COL4A3: variants seen among roughly 807,000 people sequenced by gnomAD.
The protein encoded by COL4A3 is collagen type IV alpha 3 chain.
In COL4A3, 135 loss-of-function variants were observed where a neutral mutation model predicts 217.4. That is an observed-to-expected ratio of 0.62 (90% CI 0.54 to 0.72). The LOEUF (loss-of-function observed/expected upper bound fraction) is 0.72, where lower values mean the gene tolerates loss of function less well. COL4A3 is among the 30% of genes least tolerant of loss of function. The probability of loss-of-function intolerance (pLI) is 0.00; values close to 1 mark genes in which losing one functional copy is unlikely to be tolerated. For synonymous variants in COL4A3, 690 were observed against 736.3 expected, an observed-to-expected ratio of 0.94 and a Z score of 1.02; for missense variants, 1,868 against 2,119.9, an observed-to-expected ratio of 0.88 and a Z score of 2.33.
Position 227,290,866 on chromosome 2 carries a change from C to G in COL4A3, c.3190C>G (p.Pro1064Ala). The G allele has an allele frequency of 3.1e-6, 5 of 1,612,952 alleles. No individual in the cohort carries two copies. The highest frequency in any genetic ancestry group is 4.2e-6 in the Non-Finnish European group (5 of 1,179,768). Reference sequence around the variant, plus strand: ...GCCAGGTTATTCAGAAGGTACAAGGCCAGGACCACCGGGACCAACGGTATA... The same window carrying G: ...GCCAGGTTATTCAGAAGGTACAAGGGCAGGACCACCGGGACCAACGGTATA... ...GEPGYSEGTR[P>A]GPPGPTGDPG... is the part of the protein sequence containing the mutation. Residue 1064 changes from proline (P) to alanine (A), a missense_variant, in exon 37 of 52, where the codon CCA becomes GCA. By Grantham distance (27) the Pro-to-Ala change is conservative (BLOSUM62 -1). Transcript: ENST00000396578.
intron 1 of COL4A3, among the ~76,000 whole-genome samples, chr2:227,183,763 C>G (rs1327134835): frequency 6.6e-6 from 1 of 152,210 alleles, no homozygotes; most frequent in African/African-American, 2.4e-5. Flanking sequence ...GAACTACTCT[C>G]TCCTCCTTGC....
chr2:227,238,176 T>TAAAAAAAAAAAAA (rs35499269), intron 2 of COL4A3, 152 bp downstream of exon 2: 1 of 392,944 alleles, frequency 2.5e-6, no homozygotes. Context: ...AACATTAACC[T>TAAAAAAAAAAAAA]AAAAAAAAAA....
chr2:227,174,723 T>C (rs1274620875), intron 1 of COL4A3, among the ~76,000 whole-genome samples: 1 of 152,154 alleles, frequency 6.6e-6, no homozygotes, highest in Non-Finnish European at 1.5e-5. Context: ...GTCAGGCTGG[T>C]CTTGAACTCC....
chr2:227,205,948 A>C (rs1228338313), intron 1 of COL4A3, among the ~76,000 whole-genome samples: 1 of 152,204 alleles, frequency 6.6e-6, no homozygotes, highest in African/African-American at 2.4e-5. Flanking sequence ...GCTTTAGGGC[A>C]ATGGTTCTCA....
Position 227,250,991 on chromosome 2 carries a change from T to G in COL4A3, c.547-149T>G. ...TGTTACACATGGCAACACTTTTTGATGTTTGTTATCATTAGCTGCAGCCAC... is the reference window on the plus strand; with the variant it reads ...TGTTACACATGGCAACACTTTTTGAGGTTTGTTATCATTAGCTGCAGCCAC... On this transcript the variant is annotated intron_variant, in intron 9 of 51. Transcript: ENST00000396578. This position sits in a 1 kb window ranked among gnomAD's most constrained non-coding sequence, Gnocchi z 4.1. 2.9e-6 allele frequency: 2 copies of G among 689,674 alleles called. No homozygotes were observed. 42.7% of individuals were successfully genotyped at this position (689,674 alleles called of 1,614,324 possible).
Position 227,312,981 on chromosome 2 carries a change from C to G in COL4A3, c.*1111C>G, listed in dbSNP as rs1252457203. Reference sequence around the variant, plus strand: ...TTATATGTTGTTCTTACAAACCATACTGAAAGAGTCCATTGTTTAAAAATC... The same window carrying G: ...TTATATGTTGTTCTTACAAACCATAGTGAAAGAGTCCATTGTTTAAAAATC... On this transcript the variant is annotated 3_prime_UTR_variant, in exon 52 of 52. Transcript: ENST00000396578. 1 of 151,468 alleles carries G rather than the reference C, an allele frequency of 6.6e-6. No homozygotes were observed. The highest frequency in any genetic ancestry group is 1.5e-5 in the Non-Finnish European group (1 of 67,910). 9.4% of individuals were successfully genotyped at this position (151,468 alleles called of 1,614,324 possible).
intron 1 of COL4A3, among the ~76,000 whole-genome samples, chr2:227,230,277 AG>A (rs1202970151): frequency 6.6e-6 from 1 of 152,204 alleles, no homozygotes; most frequent in Non-Finnish European, 1.5e-5. Context: ...GATTTCCACA[AG>A]TTTAACTACT....
intron 1 of COL4A3, among the ~76,000 whole-genome samples, chr2:227,190,943 A>T (rs1181659349): frequency 6.6e-6 from 1 of 152,240 alleles, no homozygotes; most frequent in South Asian, 2.1e-4. Context: ...TTAAAAGGAA[A>T]AAAGCAAATC....
Position 227,259,829 on chromosome 2 carries a change from G to A in COL4A3, c.1066G>A (p.Glu356Lys), listed in dbSNP as rs752030126. Residue 356 changes from glutamate (E) to lysine (K), a missense_variant, in exon 19 of 52, where the codon GAA (glutamate) becomes AAA (lysine). Physicochemically the swap from Glu to Lys is moderately conservative, Grantham distance 56 (BLOSUM62 1). This residue lies in a region of COL4A3 where 1,503 missense variants were observed against 1,786.1 expected (regional missense o/e 0.84). Transcript: ENST00000396578. ...TGACACATACCAGGAAAAGGGAGAT[G>A]AAGGCACTCCAGGCCCACCAGGGCC... ...YYDTYQEKGD[E>K]GTPGPPGPRG... is the part of the protein sequence containing the mutation. The A allele has an allele frequency of 1.2e-6, 2 of 1,613,696 alleles. No homozygotes were observed. Among genetic ancestry groups the A allele is most frequent in the East Asian group, 2.2e-5 (1 of 44,890 alleles).
At chr2:227,259,661 A>G (rs879545716) in intron 18 of COL4A3, 132 bp from the exon 19 acceptor site, 5 of 710,968 alleles carry the variant, frequency 7.0e-6, no homozygotes, top group Non-Finnish European at 1.0e-5. Context: ...ACCTGCTAAC[A>G]TGTAAACCTA....
chr2:227,235,295 A>T (rs1183347637), intron 1 of COL4A3, among the ~76,000 whole-genome samples: 2 of 152,140 alleles, frequency 1.3e-5, no homozygotes, highest in African/African-American at 4.8e-5. Context: ...AAGTTTAAAA[A>T]CCCAGAAAGA....
At position 227,307,736 on chromosome 2, in the gene COL4A3, G is replaced by T; in HGVS notation, c.4279G>T (p.Gly1427Cys). ...PGPAGSDGLP[G>C]LKGKRGDSGS... ...ACCAGCTGGATCAGATGGATTGCCA[G>T]GTTTGAAAGGAAAACGTGGAGACAG... Residue 1427 changes from glycine (G) to cysteine (C), a missense_variant, in exon 48 of 52, where the codon GGT (glycine) becomes TGT (cysteine). By Grantham distance (159) the Gly-to-Cys change is radical (BLOSUM62 -3). Transcript: ENST00000396578. 1 of 1,614,174 alleles carries T rather than the reference G, an allele frequency of 6.2e-7. No individual in the cohort carries two copies. Among genetic ancestry groups the T allele is most frequent in the Non-Finnish European group, 8.5e-7 (1 of 1,180,022 alleles).
At chr2:227,228,702 C>T (rs1329585530) in intron 1 of COL4A3, 1 of 152,158 alleles carries the variant, frequency 6.6e-6, no homozygotes, top group Non-Finnish European at 1.5e-5. Flanking sequence ...AATAAAAATG[C>T]ATGTGCATAT....
At chr2:227,310,029 A>G (rs995993882) in intron 50 of COL4A3, among the ~76,000 whole-genome samples, 1 of 152,246 alleles carries the variant, frequency 6.6e-6, no homozygotes, top group African/African-American at 2.4e-5. Context: ...TTTACAAATA[A>G]GAATGAAGTA....
rs185421517 is a variant in COL4A3 at position 227,191,161 on chromosome 2, G to A, written c.87+26348G>A. Among the ~76,000 whole-genome samples, 114 of 152,016 alleles carry A rather than the reference G, an allele frequency of 7.5e-4. No homozygotes were observed. In the Middle Eastern group the frequency reaches 0.01, roughly 14 times the overall value. On this transcript the variant is annotated intron_variant, in intron 1 of 51. Coordinates refer to ENST00000396578, the MANE Select transcript of COL4A3 (RefSeq NM_000091.5). This position sits in a 1 kb window ranked among gnomAD's most constrained non-coding sequence, Gnocchi z 6.8. ...ACATTTAAATTTTCTCAACCACTTT[G>A]CTCTTTTTGGATACTTGGGGAATAA...
intron 1 of COL4A3, among the ~76,000 whole-genome samples, chr2:227,187,945 G>A (rs944988569): frequency 1.3e-5 from 2 of 152,118 alleles, no homozygotes; most frequent in African/African-American, 4.8e-5. Flanking sequence ...GTTGAGTCAG[G>A]GCATATCACA....
chr2:227,239,409 G>GT (rs1553749199), intron 2 of COL4A3, among the ~76,000 whole-genome samples: 3 of 152,028 alleles, frequency 2.0e-5, no homozygotes, highest in African/African-American at 7.2e-5. Context: ...CGTGTGGGGG[G>GT]AAGGTCCTGG....
chr2:227,213,913 A>AAG (rs1559832739), intron 1 of COL4A3, among the ~76,000 whole-genome samples: 1 of 150,930 alleles, frequency 6.6e-6, no homozygotes, highest in East Asian at 1.9e-4. Context: ...AAAAAAAAAA[A>AAG]AAAAAAGAAA....
Position 227,253,450 on chromosome 2 carries a change from C to T in COL4A3, c.688-111C>T. 7.0e-7 allele frequency: 1 copy of T among 1,418,654 alleles called. No individual in the cohort carries two copies. The highest frequency in any genetic ancestry group is 1.1e-5 in the South Asian group (1 of 86,994). The allele number at this position is 1,418,654 out of a possible 1,614,324, so 87.9% of individuals were successfully genotyped here. On this transcript the variant is annotated intron_variant, in intron 12 of 51. Coordinates refer to ENST00000396578, the MANE Select transcript of COL4A3 (RefSeq NM_000091.5). The surrounding 1 kb of genome is among the most constrained non-coding windows in gnomAD (Gnocchi z 4.4). ...TGAAATTGATGGGCCTTCATTTGTT[C>T]TATCTTCCCGTATAAGCACTAAAGG... is the stretch of plus-strand genomic sequence containing the variant.
Sources: gnomAD v4.1 joint callset for allele counts (sites outside exome capture counted in the v4.1 genomes callset) on GRCh38, gnomAD v4.1.1 for gene constraint, gnomAD v4.1.1 regional missense constraint, Gnocchi (gnomAD v3.1) non-coding constraint, MANE v1.5 for transcripts, NCBI Gene and HGNC (gene_info 2026-07-23, HGNC 2026-07-21) for gene names.